The following PDXDC1 variants were observed in gnomAD, a reference collection of about 807,000 sequenced individuals.
PDXDC1 encodes the protein pyridoxal dependent decarboxylase domain containing 1, also known as pyridoxal-dependent decarboxylase domain-containing protein 1.
PDXDC1 carries 42 observed loss-of-function variants against 100.1 expected under a neutral mutation model. The observed-to-expected ratio is 0.42, with a 90% CI of 0.33 to 0.54. The LOEUF (loss-of-function observed/expected upper bound fraction) is 0.54, where lower values mean the gene tolerates loss of function less well. PDXDC1 is among the 20% of genes least tolerant of loss of function. The pLI is 0.10. For synonymous variants in PDXDC1, 260 were observed against 371.7 expected (o/e 0.70, Z 3.46); for missense variants, 636 against 979.2 (o/e 0.65, Z 4.68).
intron 16 of PDXDC1, among the ~76,000 whole-genome samples, chr16:15,085,049 G>C (rs1194810337): frequency 6.6e-6 from 1 of 152,038 alleles, no homozygotes; most frequent in African/African-American, 2.4e-5. Flanking sequence ...CTGGGCAACA[G>C]AGCGAGACTC....
At chr16:15,047,893 T>C (rs750167440) in intron 16 of PDXDC1, 2 of 1,613,732 alleles carry the variant, frequency 1.2e-6, no homozygotes, top group Non-Finnish European at 1.7e-6. Context: ...AGTAGTGGCA[T>C]CATCAGAACC....
chr16:15,136,389 G>A (rs2048347375), intron 16 of PDXDC1, among the ~76,000 whole-genome samples: 1 of 152,114 alleles, frequency 6.6e-6, no homozygotes, highest in African/African-American at 2.4e-5. Flanking sequence ...CCCCCAGCTC[G>A]CGTCCACCTC....
At chr16:15,050,268 T>C (rs931122593) in intron 16 of PDXDC1, among the ~76,000 whole-genome samples, 2 of 152,240 alleles carry the variant, frequency 1.3e-5, no homozygotes, top group Non-Finnish European at 2.9e-5. Flanking sequence ...TGTATCATAA[T>C]TTCCTTCTTA....
At position 15,036,118 on chromosome 16, in the gene PDXDC1, G is replaced by T; in HGVS notation, c.2210G>T (p.Ser737Ile). Residue 737 changes from serine to isoleucine, a missense_variant, in exon 23 of 23, where the codon AGT becomes ATT. This residue lies in a region of PDXDC1 where 452 missense variants were observed against 402.9 expected (regional missense o/e 1.12). Coordinates refer to ENST00000396410, the MANE Select transcript of PDXDC1 (RefSeq NM_015027.4). Reference sequence around the variant, plus strand: ...TTAGAAAAGGTGGAGCGCCTATCCAGTGGGCCGGAGCAGATCACCCTCGAG... The same window carrying T: ...TTAGAAAAGGTGGAGCGCCTATCCATTGGGCCGGAGCAGATCACCCTCGAG... ...EDLEKVERLS[S>I]GPEQITLEAS... 2 of 1,614,172 alleles carry T rather than the reference G, an allele frequency of 1.2e-6. No homozygotes were observed. The highest frequency in any genetic ancestry group is 1.3e-5 in the African/African-American group (1 of 75,032).
At chr16:15,044,425 C>T (rs551229558) in intron 16 of PDXDC1, 113 of 1,588,756 alleles carry the variant, frequency 7.1e-5, no homozygotes, top group Middle Eastern at 1.7e-4. Flanking sequence ...AGAGATGAGA[C>T]GGGTCAGAGG....
chr16:15,028,933 G>A lies in PDXDC1; in HGVS notation c.1260G>A (p.Arg420=), dbSNP rs773936654. 9 of 1,613,728 alleles carry A rather than the reference G, an allele frequency of 5.6e-6. No homozygotes were observed. The South Asian group carries it at 7.7e-5, about 14-fold the overall frequency. Residue 420 remains arginine (R), a synonymous_variant, in exon 15 of 23, where the codon CGG becomes CGA. Transcript: ENST00000396410. The part of the protein sequence containing the change: ...VPNMTPSGVG[R]ERHSCDALNR... Reference sequence around the variant, plus strand: ...ACATGACACCTTCAGGAGTCGGCCGGGAGAGGCACTCGTGTGACGCGCTGA... The same window carrying A: ...ACATGACACCTTCAGGAGTCGGCCGAGAGAGGCACTCGTGTGACGCGCTGA...
downstream of PDXDC1, among the ~76,000 whole-genome samples, chr16:15,141,902 C>A (rs554884153): frequency 1.3e-5 from 2 of 152,296 alleles, no homozygotes; most frequent in African/African-American, 4.8e-5. Context: ...TGAGGAGGGA[C>A]TTTTCAGCGG....
At chr16:15,067,143 A>T (rs2045014939) in intron 16 of PDXDC1, among the ~76,000 whole-genome samples, 1 of 151,126 alleles carries the variant, frequency 6.6e-6, no homozygotes, top group African/African-American at 2.4e-5. Flanking sequence ...AAGAGAGGAC[A>T]CCTTGAACCA....
At chr16:15,033,154 C>T in intron 18 of PDXDC1, 124 bp from the exon 19 acceptor site, 1 of 1,162,246 alleles carries the variant, frequency 8.6e-7, no homozygotes, top group Non-Finnish European at 1.3e-6. Context: ...TTTCTCTCCG[C>T]CCTTAGAATC....
chr16:15,149,082 ACTGCCTCCGCTCGG>A, the PDXDC1 span, among the ~76,000 whole-genome samples: 1 of 152,152 alleles, frequency 6.6e-6, no homozygotes, highest in African/African-American at 2.4e-5. Flanking sequence ...GGTCCTCACC[ACTGCCTCCGCTCGG>A]CTGCCAGGGC....
chr16:15,034,657 G>T, intron 21 of PDXDC1, 104 bp downstream of exon 21: 1 of 847,650 alleles, frequency 1.2e-6, no homozygotes. Context: ...CCTGGTTCCC[G>T]TTCTTCATCA....
At chr16:14,983,276 T>G (rs987234809) in intron 1 of PDXDC1, among the ~76,000 whole-genome samples, 4 of 152,286 alleles carry the variant, frequency 2.6e-5, no homozygotes, top group African/African-American at 9.6e-5. Context: ...CTGCTTCTCT[T>G]AAAAGCCTTC....
At chr16:15,075,559 T>G (rs1002775379) in intron 16 of PDXDC1, among the ~76,000 whole-genome samples, 1 of 150,332 alleles carries the variant, frequency 6.7e-6, no homozygotes, top group African/African-American at 2.4e-5. Context: ...GGCAACAGAG[T>G]GAGACCCTGT....
chr16:15,098,308 C>T (rs1056948852), intron 16 of PDXDC1, among the ~76,000 whole-genome samples: 2 of 150,322 alleles, frequency 1.3e-5, no homozygotes, highest in Admixed American at 6.7e-5. Flanking sequence ...TCAAGCGATT[C>T]TCCTGCCTCA....
At chr16:15,135,080 G>A in intron 16 of PDXDC1, 2 of 596,876 alleles carry the variant, frequency 3.4e-6, no homozygotes, top group Non-Finnish European at 6.1e-6. Context: ...AGCATATGTG[G>A]CTTGAAGACT....
intron 16 of PDXDC1, among the ~76,000 whole-genome samples, chr16:15,051,268 G>C (rs563195703): frequency 1.3e-5 from 2 of 152,350 alleles, no homozygotes; most frequent in African/African-American, 4.8e-5. Context: ...CTTCAACACA[G>C]CTCCTACGAT....
chr16:14,990,264 G>T, intron 1 of PDXDC1: 1 of 463,094 alleles, frequency 2.2e-6, no homozygotes. Context: ...AGACCGCGGC[G>T]CCCACCCCGG....
the PDXDC1 span, among the ~76,000 whole-genome samples, chr16:15,148,752 C>A: frequency 1.3e-5 from 2 of 152,018 alleles, no homozygotes; most frequent in African/African-American, 4.8e-5. Context: ...CAAGCCGATA[C>A]TGCATGGATG....
chr16:15,035,701 G>A (rs1435569168), intron 22 of PDXDC1, 148 bp downstream of exon 22: 1 of 600,782 alleles, frequency 1.7e-6, no homozygotes, highest in Non-Finnish European at 2.9e-6. Flanking sequence ...GTAGCCGTGG[G>A]ATTCAGCCTT....
Sources: allele counts gnomAD v4.1 joint callset (sites outside exome capture counted in the v4.1 genomes callset), GRCh38; gene constraint gnomAD v4.1.1; regional missense constraint gnomAD v4.1.1; transcripts MANE v1.5; gene names NCBI Gene and HGNC (gene_info 2026-07-23, HGNC 2026-07-21).